CAPSL: variants seen among roughly 807,000 people sequenced by gnomAD.
CAPSL encodes the protein calcyphosine like.
CAPSL carries 17 observed loss-of-function variants against 21.3 expected under a neutral mutation model. That is an observed-to-expected ratio of 0.80 (90% CI 0.55 to 1.20). CAPSL has a LOEUF of 1.20. Ranked by LOEUF, CAPSL falls within the 50% of genes most tolerant of loss-of-function variation. CAPSL has a pLI of 0.00. For missense variants in CAPSL, 289 were observed against 259.3 expected (o/e 1.11, Z -0.79); for synonymous variants, 102 against 89.3 (o/e 1.14, Z -0.80).
In CAPSL at chr5:35,910,445, T is replaced by A; in HGVS notation, c.236A>T (p.Glu79Val). ...AAACCTCCGGAAAAGTTCTTCCACC[T>A]CTTCTTTTTCCATGACCACAGCATA... ...NDYAVVMEKE[E>V]VEELFRRFDK... The change falls in exon 3 of 5, where the codon GAG becomes GTG. Residue 79 changes from glutamate to valine, a missense_variant. Coordinates refer to ENST00000651391, the MANE Select transcript of CAPSL (RefSeq NM_001042625.2). 6.2e-7 allele frequency: 1 copy of A among 1,613,690 alleles called. No individual in the cohort carries two copies.
chr5:35,922,599 C>G (rs1738567881), intron 1 of CAPSL, among the ~76,000 whole-genome samples: 1 of 152,216 alleles, frequency 6.6e-6, no homozygotes, highest in Non-Finnish European at 1.5e-5. Context: ...CAGAGGTTCC[C>G]TGGAACTCCA....
At chr5:35,931,197 T>C (rs1738813984) in intron 1 of CAPSL, among the ~76,000 whole-genome samples, 1 of 152,156 alleles carries the variant, frequency 6.6e-6, no homozygotes, top group South Asian at 2.1e-4. Flanking sequence ...ATTCCTGCAA[T>C]GTTTGGGCTG....
chr5:35,922,345 A>T (rs567056353), intron 1 of CAPSL, among the ~76,000 whole-genome samples: 11 of 152,264 alleles, frequency 7.2e-5, no homozygotes, highest in African/African-American at 2.6e-4. Context: ...CAATTCAGGG[A>T]TGCATACACT....
intron 1 of CAPSL, among the ~76,000 whole-genome samples, chr5:35,934,940 C>A (rs752695664): frequency 2.6e-4 from 39 of 152,182 alleles, no homozygotes; most frequent in Admixed American, 1.3e-3. Flanking sequence ...AAACCTACCC[C>A]TCTTGCAGTC....
chr5:35,928,509 T>C (rs573635298), intron 1 of CAPSL, among the ~76,000 whole-genome samples: 2 of 152,180 alleles, frequency 1.3e-5, no homozygotes, highest in African/African-American at 4.8e-5. Flanking sequence ...CGGAGCCCAT[T>C]TGAGTTTGAA....
At chr5:35,938,187 T>A (rs1739002595) in intron 1 of CAPSL, among the ~76,000 whole-genome samples, 1 of 152,214 alleles carries the variant, frequency 6.6e-6, no homozygotes, top group South Asian at 2.1e-4. Context: ...CTCAGTTTTA[T>A]CAGTGGTCAT....
chr5:35,908,566 C>A (rs1738098515), intron 4 of CAPSL, among the ~76,000 whole-genome samples: 1 of 152,180 alleles, frequency 6.6e-6, no homozygotes, highest in African/African-American at 2.4e-5. Flanking sequence ...CAGACACACT[C>A]TAGGATCCAC....
chr5:35,917,647 A>C (rs1039528262), intron 2 of CAPSL, among the ~76,000 whole-genome samples: 1 of 152,160 alleles, frequency 6.6e-6, no homozygotes, highest in Non-Finnish European at 1.5e-5. Flanking sequence ...GTTCGCACTC[A>C]TAGGTGGGAA....
intron 1 of CAPSL, among the ~76,000 whole-genome samples, chr5:35,927,011 A>C (rs1253726488): frequency 1.3e-5 from 2 of 152,244 alleles, no homozygotes; most frequent in East Asian, 1.9e-4. Flanking sequence ...GGACAGAATC[A>C]GGTAAATAGA....
chr5:35,911,207 T>C (rs7445819), intron 2 of CAPSL, among the ~76,000 whole-genome samples: 130,916 of 152,220 alleles, frequency 0.86, 56,363 homozygotes, highest in South Asian at 0.94. Flanking sequence ...TATATTCTCC[T>C]CTCAAGGAGG....
intron 1 of CAPSL, among the ~76,000 whole-genome samples, chr5:35,930,179 G>A (rs754357862): frequency 1.3e-5 from 2 of 152,066 alleles, no homozygotes; most frequent in Admixed American, 6.5e-5. Flanking sequence ...AGATGTCACC[G>A]AAGTCTGGCA....
chr5:35,926,638 T>C (rs1738692659), intron 1 of CAPSL, among the ~76,000 whole-genome samples: 1 of 152,190 alleles, frequency 6.6e-6, no homozygotes, highest in African/African-American at 2.4e-5. Flanking sequence ...TTGTCTTTGG[T>C]GCTCCCTGGT....
chr5:35,919,864 G>A (rs1413480670), intron 2 of CAPSL, among the ~76,000 whole-genome samples: 2 of 152,200 alleles, frequency 1.3e-5, no homozygotes, highest in Non-Finnish European at 2.9e-5. Flanking sequence ...TGTGCAGTGG[G>A]TATGGGGTGA....
At chr5:35,916,794 C>A (rs1013731265) in intron 2 of CAPSL, among the ~76,000 whole-genome samples, 8 of 152,182 alleles carry the variant, frequency 5.3e-5, no homozygotes, top group Non-Finnish European at 1.0e-4. Context: ...CCATTCAGGA[C>A]ATAGGCATGG....
intron 1 of CAPSL, among the ~76,000 whole-genome samples, chr5:35,922,365 C>T (rs1469012227): frequency 3.3e-5 from 5 of 152,066 alleles, no homozygotes; most frequent in Admixed American, 2.0e-4. Flanking sequence ...TTAACGTGGC[C>T]ACTTTCTTGC....
intron 1 of CAPSL, among the ~76,000 whole-genome samples, chr5:35,927,517 T>A (rs1054751585): frequency 3.3e-5 from 5 of 152,194 alleles, no homozygotes; most frequent in African/African-American, 1.2e-4. Context: ...TCAAGCTAGT[T>A]CCGAGAAGGT....
intron 4 of CAPSL, among the ~76,000 whole-genome samples, chr5:35,904,885 C>T (rs535641588): frequency 7.9e-5 from 12 of 152,184 alleles, no homozygotes; most frequent in South Asian, 6.2e-4. Context: ...TGGAAAGTGA[C>T]GCATAGGTTG....
At chr5:35,912,608 G>A (rs1477992566) in intron 2 of CAPSL, among the ~76,000 whole-genome samples, 1 of 152,228 alleles carries the variant, frequency 6.6e-6, no homozygotes, top group Non-Finnish European at 1.5e-5. Context: ...AGGGTCTGGA[G>A]TGGACCTCCA....
intron 1 of CAPSL, among the ~76,000 whole-genome samples, chr5:35,931,438 CAAA>C (rs10710256): frequency 1.5e-4 from 22 of 144,004 alleles, no homozygotes; most frequent in African/African-American, 5.3e-4. Flanking sequence ...CAATGTGTTA[CAAA>C]AAAAAAAAAA....
Sources: allele counts gnomAD v4.1 joint callset (sites outside exome capture counted in the v4.1 genomes callset), GRCh38; gene constraint gnomAD v4.1.1; transcripts MANE v1.5; gene names NCBI Gene and HGNC (gene_info 2026-07-23, HGNC 2026-07-21).